Variants in AGBL4 observed in about 807,000 individuals in gnomAD.
AGBL4 encodes the protein cytosolic carboxypeptidase 6.
AGBL4 carries 58 observed loss-of-function variants against 66.4 expected under a neutral mutation model. The observed-to-expected ratio is 0.87, with a 90% CI of 0.71 to 1.09. The LOEUF is 1.09. Ranked by LOEUF, AGBL4 falls within the 50% of genes least tolerant of loss-of-function variation. AGBL4 has a pLI of 0.00. For missense variants in AGBL4, 579 were observed against 631.0 expected, an observed-to-expected ratio of 0.92 and a Z score of 0.88; for synonymous variants, 234 against 222.9, an observed-to-expected ratio of 1.05 and a Z score of -0.44.
At chr1:49,999,500 A>G (rs933512886) in intron 1 of AGBL4, among the ~76,000 whole-genome samples, 2 of 152,188 alleles carry the variant, frequency 1.3e-5, no homozygotes, top group Non-Finnish European at 1.5e-5. Flanking sequence ...AACTGACCAT[A>G]GTGCCAAAAA....
chr1:49,359,411 T>C (rs758230594), intron 3 of AGBL4, among the ~76,000 whole-genome samples: 6 of 152,200 alleles, frequency 3.9e-5, no homozygotes, highest in African/African-American at 1.4e-4. Flanking sequence ...GTGTAAAAGT[T>C]ACTCACACAA....
intron 1 of AGBL4, among the ~76,000 whole-genome samples, chr1:49,976,132 T>A (rs1658533681): frequency 6.6e-6 from 1 of 152,178 alleles, no homozygotes; most frequent in Admixed American, 6.5e-5. Context: ...AGGCTTCACT[T>A]TGGAAGGGCT....
intron 6 of AGBL4, among the ~76,000 whole-genome samples, chr1:48,855,795 C>T: frequency 6.6e-6 from 1 of 151,962 alleles, no homozygotes; most frequent in East Asian, 1.9e-4. Flanking sequence ...TTGGAACATA[C>T]TAGAGACTTT....
intron 3 of AGBL4, among the ~76,000 whole-genome samples, chr1:49,581,043 AT>A (rs1309401483): frequency 6.6e-6 from 1 of 151,768 alleles, no homozygotes; most frequent in Non-Finnish European, 1.5e-5. Flanking sequence ...CAAAGGCTTT[AT>A]TTTTTTCTTT....
intron 11 of AGBL4, among the ~76,000 whole-genome samples, chr1:48,582,905 A>G (rs1171271936): frequency 6.6e-6 from 1 of 152,172 alleles, no homozygotes; most frequent in Non-Finnish European, 1.5e-5. Flanking sequence ...AACTGAACCA[A>G]TGGACACATA....
At chr1:49,192,497 C>G (rs1035208499) in intron 4 of AGBL4, among the ~76,000 whole-genome samples, 7 of 152,180 alleles carry the variant, frequency 4.6e-5, no homozygotes, top group African/African-American at 1.7e-4. Flanking sequence ...CAGGGTTTCA[C>G]CATATTGGCC....
At chr1:49,230,675 C>T (rs1422991322) in intron 4 of AGBL4, among the ~76,000 whole-genome samples, 5 of 152,260 alleles carry the variant, frequency 3.3e-5, no homozygotes, top group South Asian at 4.1e-4. Context: ...AATATTGAAA[C>T]AAAAATAATA....
At chr1:49,570,639 T>A (rs1003471898) in intron 3 of AGBL4, among the ~76,000 whole-genome samples, 1 of 152,126 alleles carries the variant, frequency 6.6e-6, no homozygotes, top group African/African-American at 2.4e-5. Flanking sequence ...GTTTTTGAAG[T>A]CTTAGTCATA....
At chr1:49,648,728 A>G (rs1443993297) in intron 3 of AGBL4, among the ~76,000 whole-genome samples, 2 of 151,904 alleles carry the variant, frequency 1.3e-5, no homozygotes, top group East Asian at 1.9e-4. Context: ...AAGTGTGGAG[A>G]AAAAAAACTA....
Position 49,582,213 on chromosome 1 carries a change from G to A in AGBL4, c.282+115100C>T, listed in dbSNP as rs551335121. 5.9e-5 allele frequency among the ~76,000 whole-genome samples: 9 copies of A among 152,262 alleles called. No homozygotes were observed. In the East Asian group the frequency reaches 1.7e-3, roughly 29 times the overall value. On this transcript the variant is annotated intron_variant, in intron 3 of 13. Coordinates refer to ENST00000371839, the MANE Select transcript of AGBL4 (RefSeq NM_032785.4). The stretch of plus-strand genomic sequence containing the variant: ...GTTGACTGGGCAAACCTGTGCTTGG[G>A]CCTCCTGATGGCAAGTGCATGCATC...
At chr1:49,344,974 T>TA (rs1645609905) in intron 3 of AGBL4, among the ~76,000 whole-genome samples, 1 of 152,212 alleles carries the variant, frequency 6.6e-6, no homozygotes, top group Non-Finnish European at 1.5e-5. Context: ...TTCTCTTTTA[T>TA]AATATCAAGT....
intron 3 of AGBL4, among the ~76,000 whole-genome samples, chr1:49,523,256 G>A (rs1232814438): frequency 1.3e-5 from 2 of 151,884 alleles, no homozygotes; most frequent in Admixed American, 6.6e-5. Flanking sequence ...ATTTTAGTGA[G>A]GCATAAATAC....
At position 49,967,758 on chromosome 1, in the gene AGBL4, G is replaced by T. The variant is rs562921800; in HGVS notation, c.34+56005C>A. The stretch of plus-strand genomic sequence containing the variant: ...AGGCCTTAATATGTATTTCATTTTT[G>T]CTAACTCCATAGAGTAAACATCTTG... On this transcript the variant is annotated intron_variant, in intron 1 of 13. Coordinates refer to ENST00000371839, the MANE Select transcript of AGBL4 (RefSeq NM_032785.4). 1.2e-4 allele frequency among the ~76,000 whole-genome samples: 19 copies of T among 152,130 alleles called. No homozygotes were observed. The South Asian group carries it at 3.7e-3, about 30-fold the overall frequency.
chr1:49,855,274 A>G (rs190559739), intron 1 of AGBL4, among the ~76,000 whole-genome samples: 3 of 152,302 alleles, frequency 2.0e-5, no homozygotes, highest in East Asian at 1.9e-4. Flanking sequence ...AGCAAATATT[A>G]TTAAAGCTAA....
intron 3 of AGBL4, among the ~76,000 whole-genome samples, chr1:49,610,179 A>C (rs1645129598): frequency 6.6e-6 from 1 of 152,208 alleles, no homozygotes; most frequent in South Asian, 2.1e-4. Flanking sequence ...GAAGGAGGAA[A>C]AGAAAAACAG....
chr1:49,248,943 T>C (rs1405772634), intron 3 of AGBL4, among the ~76,000 whole-genome samples: 3 of 152,132 alleles, frequency 2.0e-5, no homozygotes, highest in Non-Finnish European at 4.4e-5. Flanking sequence ...AGTACACTGT[T>C]AGTCTAAGAG....
At chr1:49,276,038 G>A (rs1398284995) in intron 3 of AGBL4, among the ~76,000 whole-genome samples, 1 of 151,836 alleles carries the variant, frequency 6.6e-6, no homozygotes, top group Admixed American at 6.6e-5. Context: ...GACTACTCCA[G>A]ACATTAACCT....
chr1:49,086,784 C>T (rs948424470), intron 4 of AGBL4, among the ~76,000 whole-genome samples: 3 of 152,054 alleles, frequency 2.0e-5, no homozygotes, highest in Non-Finnish European at 4.4e-5. Context: ...CCCCGTATTC[C>T]CCCAGGAAGA....
intron 3 of AGBL4, among the ~76,000 whole-genome samples, chr1:49,530,624 C>G (rs1218377044): frequency 2.0e-5 from 3 of 151,912 alleles, no homozygotes; most frequent in African/African-American, 7.3e-5. Flanking sequence ...TATGCACCAT[C>G]CTATTTGATA....
Sources: allele counts gnomAD v4.1 joint callset (sites outside exome capture counted in the v4.1 genomes callset), GRCh38; gene constraint gnomAD v4.1.1; transcripts MANE v1.5; gene names NCBI Gene and HGNC (gene_info 2026-07-23, HGNC 2026-07-21).